The following SENP6 variants were observed in gnomAD, a reference collection of about 807,000 sequenced individuals.
The protein encoded by SENP6 is sentrin-specific protease 6.
A neutral mutation model predicts 134.5 loss-of-function variants in SENP6; 41 were observed. That is an observed-to-expected ratio of 0.30 (90% CI 0.24 to 0.40). SENP6 has a LOEUF of 0.40. SENP6 is among the 10% of genes least tolerant of loss of function. The pLI is 1.00. For missense variants in SENP6, 1,248 were observed against 1,312.5 expected (o/e 0.95, Z 0.76); for synonymous variants, 395 against 429.8 (o/e 0.92, Z 1.00).
intron 8 of SENP6, among the ~76,000 whole-genome samples, chr6:75,659,755 T>G (rs781644910): frequency 2.6e-5 from 4 of 152,170 alleles, no homozygotes; most frequent in Non-Finnish European, 5.9e-5. Flanking sequence ...CACATTTGCT[T>G]TATTGTCCTC....
intron 1 of SENP6, among the ~76,000 whole-genome samples, chr6:75,616,710 C>CACTCCAGCCTGGGCG (rs1179882343): frequency 1.4e-5 from 2 of 145,830 alleles, no homozygotes; most frequent in East Asian, 4.1e-4. Flanking sequence ...TGCGCCACTG[C>CACTCCAGCCTGGGCG]ACTCCAGCCT....
intron 1 of SENP6, among the ~76,000 whole-genome samples, chr6:75,612,496 T>G (rs1422625328): frequency 1.3e-5 from 2 of 152,138 alleles, no homozygotes; most frequent in Non-Finnish European, 2.9e-5. Context: ...CACAACCAGC[T>G]GATTTTTTTA....
intron 10 of SENP6, among the ~76,000 whole-genome samples, chr6:75,667,807 T>C (rs1217511842): frequency 6.6e-6 from 1 of 152,220 alleles, no homozygotes; most frequent in Non-Finnish European, 1.5e-5. Context: ...TTAATATGGA[T>C]ATGGCTGAAA....
intron 5 of SENP6, among the ~76,000 whole-genome samples, chr6:75,638,229 T>C (rs1010409870): frequency 5.4e-5 from 7 of 128,688 alleles, no homozygotes; most frequent in African/African-American, 1.5e-4. Flanking sequence ...TTAGTCTTTT[T>C]CCCTTTTCTT....
chr6:75,618,888 A>G (rs1025955042), intron 1 of SENP6, among the ~76,000 whole-genome samples: 3 of 151,404 alleles, frequency 2.0e-5, no homozygotes. Context: ...ATGTATACTG[A>G]TGGTTTGCTC....
chr6:75,672,482 T>C (rs750035349), intron 11 of SENP6, among the ~76,000 whole-genome samples: 2 of 152,316 alleles, frequency 1.3e-5, no homozygotes, highest in African/African-American at 4.8e-5. Context: ...AAATGAAATA[T>C]TCCAGCCAAA....
chr6:75,714,307 C>A (rs1018497241), intron 23 of SENP6, among the ~76,000 whole-genome samples: 103 of 152,170 alleles, frequency 6.8e-4, no homozygotes, highest in African/African-American at 2.4e-3. Flanking sequence ...CACTCTCTTG[C>A]TTTGACTTCA....
At chr6:75,624,144 A>G (rs998851199) in intron 3 of SENP6, among the ~76,000 whole-genome samples, 184 bp downstream of exon 3, 6 of 152,130 alleles carry the variant, frequency 3.9e-5, no homozygotes, top group African/African-American at 1.4e-4. Flanking sequence ...AAGAAGAGAA[A>G]TATTTCCACC....
chr6:75,602,516 A>C lies in SENP6; in HGVS notation c.-9A>C. 1 of 1,551,126 alleles carries C rather than the reference A, an allele frequency of 6.4e-7. No individual in the cohort carries two copies. Among genetic ancestry groups the C allele is most frequent in the Non-Finnish European group, 8.7e-7 (1 of 1,146,856 alleles). On this transcript the variant is annotated 5_prime_UTR_variant, in exon 1 of 24. Transcript: ENST00000447266. ...TGGATTAAGAAGGAGGCGGCGTGGG[A>C]GGAGGAAGATGGCGGCCGGCAAGAG...
intron 7 of SENP6, among the ~76,000 whole-genome samples, chr6:75,656,807 T>C (rs1308045526): frequency 6.6e-6 from 1 of 152,214 alleles, no homozygotes; most frequent in South Asian, 2.1e-4. Flanking sequence ...CAGAGCCTTA[T>C]AAATAACCTT....
intron 3 of SENP6, among the ~76,000 whole-genome samples, chr6:75,629,731 T>A (rs185209497): frequency 6.8e-4 from 104 of 152,290 alleles, no homozygotes; most frequent in African/African-American, 2.4e-3. Context: ...AGGTAATGTA[T>A]AGGTCTGTCA....
At chr6:75,623,585 T>C (rs1768437601) in intron 2 of SENP6, among the ~76,000 whole-genome samples, 1 of 152,190 alleles carries the variant, frequency 6.6e-6, no homozygotes, top group Non-Finnish European at 1.5e-5. Flanking sequence ...AATCCATAAC[T>C]AAATAAACAG....
intron 6 of SENP6, among the ~76,000 whole-genome samples, chr6:75,644,475 C>CTTTTTT (rs71002753): frequency 1.2e-4 from 17 of 143,474 alleles, no homozygotes; most frequent in South Asian, 2.2e-4. Context: ...TTCTTTCTTT[C>CTTTTTT]TTTTTTTTTT....
At chr6:75,675,350 G>A (rs1387003542) in intron 11 of SENP6, 85 bp from the exon 12 acceptor site, 1 of 769,538 alleles carries the variant, frequency 1.3e-6, no homozygotes, top group Non-Finnish European at 2.1e-6. Flanking sequence ...AGTAATATAA[G>A]AAACATTCTA....
chr6:75,653,731 AT>A (rs1771095306), intron 7 of SENP6, among the ~76,000 whole-genome samples: 2 of 151,672 alleles, frequency 1.3e-5, no homozygotes, highest in Non-Finnish European at 2.9e-5. Flanking sequence ...AAAGTTAGGT[AT>A]GATTATTAAT....
intron 8 of SENP6, among the ~76,000 whole-genome samples, chr6:75,659,659 T>C (rs116848692): frequency 0.02 from 3,090 of 152,260 alleles, 45 homozygotes; most frequent in Non-Finnish European, 0.029. Flanking sequence ...TGCCAGAATT[T>C]TTTTCAAATA....
At chr6:75,627,389 G>T (rs1340661420) in intron 3 of SENP6, among the ~76,000 whole-genome samples, 5 of 152,020 alleles carry the variant, frequency 3.3e-5, no homozygotes, top group Non-Finnish European at 7.4e-5. Context: ...TTGACATCTG[G>T]ATTTCCTGAA....
chr6:75,704,276 A>G (rs556274518), intron 19 of SENP6, among the ~76,000 whole-genome samples: 7 of 152,276 alleles, frequency 4.6e-5, no homozygotes, highest in Admixed American at 2.6e-4. Flanking sequence ...TATTTTCACT[A>G]TCTCAGCAAG....
chr6:75,713,476 A>AT (rs775774053), intron 21 of SENP6, 37 bp from the exon 22 acceptor site: 1 of 1,499,564 alleles, frequency 6.7e-7, no homozygotes, highest in South Asian at 1.2e-5. Context: ...TTGTAATATT[A>AT]TGAAGTATTC....
Sources: gnomAD v4.1 joint callset for allele counts (sites outside exome capture counted in the v4.1 genomes callset) on GRCh38, gnomAD v4.1.1 for gene constraint, MANE v1.5 for transcripts, NCBI Gene and HGNC (gene_info 2026-07-23, HGNC 2026-07-21) for gene names.